The following TSPAN16 variants were observed in gnomAD, a reference collection of about 807,000 sequenced individuals.
The protein encoded by TSPAN16 is tetraspanin-16.
In TSPAN16, 23 loss-of-function variants were observed where a neutral mutation model predicts 25.2. The ratio of observed to expected loss-of-function variants is 0.91; its 90% CI spans 0.66 to 1.29. TSPAN16 has a LOEUF of 1.29. Among genes scored for constraint, TSPAN16 ranks in the 50% most tolerant of loss-of-function variants. TSPAN16 has a pLI of 0.00. For missense variants in TSPAN16, 272 were observed against 299.9 expected (o/e 0.91, Z 0.69); for synonymous variants, 123 against 124.4 (o/e 0.99, Z 0.08).
downstream of TSPAN16, among the ~76,000 whole-genome samples, chr19:11,320,323 T>C (rs568331178): frequency 2.0e-5 from 3 of 152,064 alleles, no homozygotes; most frequent in East Asian, 5.8e-4. Flanking sequence ...GGTTTTGTCA[T>C]GTTGGCCAGG....
At chr19:11,317,588 G>A (rs932764323), downstream of TSPAN16, among the ~76,000 whole-genome samples, 14 of 151,638 alleles carry the variant, frequency 9.2e-5, no homozygotes, top group African/African-American at 2.4e-4. Flanking sequence ...TCAGCCTTCC[G>A]GGTTCAAGTG....
At chr19:11,322,123 T>A (rs556860818) in intron 6 of TSPAN16, 25 of 152,154 alleles carry the variant, frequency 1.6e-4, no homozygotes, top group Admixed American at 2.6e-4. Flanking sequence ...CTTTCCAAAC[T>A]GGACATCAAG....
intron 4 of TSPAN16, among the ~76,000 whole-genome samples, chr19:11,302,614 T>C (rs983186201): frequency 2.7e-5 from 4 of 145,600 alleles, no homozygotes; most frequent in Non-Finnish European, 6.0e-5. Context: ...TATATACATA[T>C]GTATATAAAT....
rs764256961 is a variant in TSPAN16 at position 11,298,302 on chromosome 19, A to G, written c.230A>G (p.Tyr77Cys). 7 of 1,614,014 alleles carry G rather than the reference A, an allele frequency of 4.3e-6. No homozygotes were observed. The highest frequency in any genetic ancestry group is 5.9e-6 in the Non-Finnish European group (7 of 1,180,038). Residue 77 changes from tyrosine to cysteine, a missense_variant, in exon 2 of 7, where the codon TAT (tyrosine) becomes TGT (cysteine). Physicochemically the swap from Tyr to Cys is radical, Grantham distance 194. Coordinates refer to ENST00000590327, the MANE Select transcript of TSPAN16 (RefSeq NM_001282509.2). ...ITVLLGCAGWYGATKESRGTL... is the reference protein window; with the variant it reads ...ITVLLGCAGWCGATKESRGTL... ...GTACTGCTTGGCTGTGCCGGGTGGT[A>G]TGGAGCGACTAAAGAGAGCAGAGGC...
At chr19:11,320,308 G>C (rs555734699), downstream of TSPAN16, among the ~76,000 whole-genome samples, 3 of 152,058 alleles carry the variant, frequency 2.0e-5, no homozygotes, top group Admixed American at 2.0e-4. Context: ...TTTTAGTAGA[G>C]ATGGGGTTTT....
downstream of TSPAN16, among the ~76,000 whole-genome samples, chr19:11,320,240 G>A (rs10417331): frequency 0.034 from 5,199 of 150,950 alleles, 300 homozygotes; most frequent in African/African-American, 0.12. Flanking sequence ...TCCCGCCTCA[G>A]CCTCCCGAGT....
chr19:11,311,734 T>A (rs965531946), intron 5 of TSPAN16, among the ~76,000 whole-genome samples: 1 of 152,152 alleles, frequency 6.6e-6, no homozygotes, highest in African/African-American at 2.4e-5. Flanking sequence ...TTGATTCTTT[T>A]ACTCCTCATG....
At chr19:11,320,138 T>TTTTTTTTTTTTTTTTG (rs2080769662), downstream of TSPAN16, among the ~76,000 whole-genome samples, 2 of 149,046 alleles carry the variant, frequency 1.3e-5, no homozygotes, top group Non-Finnish European at 1.5e-5. Flanking sequence ...TTTTTTTTTT[T>TTTTTTTTTTTTTTTTG]GAGACGGAGT....
At chr19:11,320,809 G>A (rs983497651), downstream of TSPAN16, among the ~76,000 whole-genome samples, 1 of 152,152 alleles carries the variant, frequency 6.6e-6, no homozygotes, top group Non-Finnish European at 1.5e-5. Context: ...TCAGTTAGGG[G>A]AGCTTTGTTG....
chr19:11,322,345 A>AAAG (rs201877596), intron 6 of TSPAN16: 2 of 151,624 alleles, frequency 1.3e-5, no homozygotes, highest in Non-Finnish European at 2.9e-5. Context: ...GTCCCCCGAA[A>AAAG]AAGAAGAAGA....
intron 5 of TSPAN16, chr19:11,307,936 A>T (rs992877138): frequency 1.3e-5 from 2 of 152,184 alleles, no homozygotes; most frequent in African/African-American, 4.8e-5. Flanking sequence ...TTGAAGCCCC[A>T]TTGGCCTGAG....
intron 4 of TSPAN16, among the ~76,000 whole-genome samples, chr19:11,302,667 A>ATATGTG (rs1555703600): frequency 9.5e-4 from 118 of 124,800 alleles, no homozygotes; most frequent in Admixed American, 2.5e-3. Context: ...ATACATATAT[A>ATATGTG]TATATATATA....
At chr19:11,312,945 A>G (rs1170200376) in intron 6 of TSPAN16, among the ~76,000 whole-genome samples, 1 of 152,184 alleles carries the variant, frequency 6.6e-6, no homozygotes, top group African/African-American at 2.4e-5. Context: ...GATGAAATAG[A>G]CAAATTCCTA....
At chr19:11,299,740 C>T (rs901639479) in intron 3 of TSPAN16, among the ~76,000 whole-genome samples, 5 of 151,880 alleles carry the variant, frequency 3.3e-5, no homozygotes, top group South Asian at 2.1e-4. Context: ...TTTGGGAGGC[C>T]GAGGCAGGTG....
At chr19:11,306,439 G>T in intron 4 of TSPAN16, 165 bp from the exon 5 acceptor site, 1 of 783,460 alleles carries the variant, frequency 1.3e-6, no homozygotes, top group Non-Finnish European at 1.9e-6. Flanking sequence ...GAGTGAGATG[G>T]GAGCCAGGGA....
downstream of TSPAN16, among the ~76,000 whole-genome samples, chr19:11,320,521 C>G (rs116490606): frequency 0.026 from 3,952 of 151,954 alleles, 172 homozygotes; most frequent in African/African-American, 0.092. Flanking sequence ...CTCAATCACT[C>G]AATCAGCTGG....
chr19:11,298,435 ATTT>A (rs34774674), intron 2 of TSPAN16, 96 bp downstream of exon 2: 9,492 of 938,464 alleles, frequency 0.01, 2 homozygotes, highest in African/African-American at 0.018. Context: ...GGTGTCACCT[ATTT>A]TTTTTTTTTT....
At chr19:11,300,122 C>G (rs2080528174) in intron 3 of TSPAN16, among the ~76,000 whole-genome samples, 2 of 152,284 alleles carry the variant, frequency 1.3e-5, no homozygotes, top group African/African-American at 4.8e-5. Flanking sequence ...GGAGGCGGCT[C>G]TCTGGGCACC....
At chr19:11,303,576 T>TA (rs2080592260) in intron 4 of TSPAN16, among the ~76,000 whole-genome samples, 4 of 74,526 alleles carry the variant, frequency 5.4e-5, no homozygotes, top group East Asian at 3.7e-4. Context: ...AATAAATAAA[T>TA]TAAAAAAAAA....
Sources: allele counts gnomAD v4.1 joint callset (sites outside exome capture counted in the v4.1 genomes callset), GRCh38; gene constraint gnomAD v4.1.1; transcripts MANE v1.5; gene names NCBI Gene and HGNC (gene_info 2026-07-23, HGNC 2026-07-21).